The following VAV2 variants were observed in gnomAD, a reference collection of about 807,000 sequenced individuals.
VAV2 encodes the protein vav guanine nucleotide exchange factor 2, also known as guanine nucleotide exchange factor VAV2.
A neutral mutation model predicts 132.5 loss-of-function variants in VAV2; 67 were observed. The observed-to-expected ratio is 0.51, with a 90% confidence interval of 0.42 to 0.62. The LOEUF (loss-of-function observed/expected upper bound fraction) is 0.62, where lower values mean the gene tolerates loss of function less well. Among genes scored for constraint, VAV2 ranks in the 20% least tolerant of loss-of-function variants. The pLI, the probability that VAV2 is intolerant of heterozygous loss-of-function variation, is 0.00. For missense variants in VAV2, 938 were observed against 1,153.6 expected (o/e 0.81, Z 2.71); for synonymous variants, 492 against 443.5 (o/e 1.11, Z -1.37).
At chr9:133,819,047 G>A (rs28679412) in intron 4 of VAV2, among the ~76,000 whole-genome samples, 5,684 of 151,120 alleles carry the variant, frequency 0.038, 350 homozygotes, top group African/African-American at 0.13. Context: ...GCCCAGCCAC[G>A]CCTGTGTTGT....
At chr9:133,958,143 G>C (rs1841848703) in intron 1 of VAV2, among the ~76,000 whole-genome samples, 1 of 140,780 alleles carries the variant, frequency 7.1e-6, no homozygotes, top group Non-Finnish European at 1.6e-5. Context: ...TCTGAAATAT[G>C]GCCTCGTGGG....
chr9:133,908,590 C>G lies in VAV2; in HGVS notation c.321+30513G>C, dbSNP rs890670065. 5.9e-5 allele frequency among the ~76,000 whole-genome samples: 9 copies of G among 152,174 alleles called. No individual in the cohort carries two copies. The East Asian group carries it at 1.6e-3, about 26-fold the overall frequency. ...AGCACCACCTGGTACACAAAGGCAC[C>G]CTGCACCAAGCCCAGAGCTTCCTTG... On this transcript the variant is annotated intron_variant, in intron 2 of 29. Transcript: ENST00000371850.
In VAV2 at chr9:133,840,545, C is replaced by G. The variant is rs535683019; in HGVS notation, c.381-6205G>C. Among the ~76,000 whole-genome samples the G allele has an allele frequency of 2.0e-5, 3 of 152,280 alleles. No individual in the cohort carries two copies. In the South Asian group the frequency reaches 6.2e-4, roughly 32 times the overall value. Reference sequence around the variant, plus strand: ...GTGCTACAGCCAAATAAGTCACCAGCCAGAGGACACAGACCAGAAAACAGA... The same window carrying G: ...GTGCTACAGCCAAATAAGTCACCAGGCAGAGGACACAGACCAGAAAACAGA... On this transcript the variant is annotated intron_variant, in intron 3 of 29. Coordinates refer to ENST00000371850, the MANE Select transcript of VAV2 (RefSeq NM_001134398.2). This position sits in a 1 kb window ranked among gnomAD's most constrained non-coding sequence, Gnocchi z 4.5.
chr9:133,947,699 C>CAAAA (rs75534755), intron 1 of VAV2, among the ~76,000 whole-genome samples: 1 of 134,240 alleles, frequency 7.4e-6, no homozygotes. Flanking sequence ...AACTCCGTCT[C>CAAAA]AAAAAAAAAA....
chr9:133,927,271 T>C (rs1482189688), intron 2 of VAV2, among the ~76,000 whole-genome samples: 1 of 152,124 alleles, frequency 6.6e-6, no homozygotes, highest in Non-Finnish European at 1.5e-5. Context: ...ACAACGCTAA[T>C]CAATGGCTGA....
chr9:133,800,871 G>C (rs7040637), intron 9 of VAV2, among the ~76,000 whole-genome samples: 31,719 of 152,094 alleles, frequency 0.21, 4,213 homozygotes, highest in African/African-American at 0.38. Flanking sequence ...CTACTCGTCT[G>C]TCAAAACTCT....
chr9:133,875,707 C>G (rs1405023220), intron 2 of VAV2, among the ~76,000 whole-genome samples: 1 of 152,226 alleles, frequency 6.6e-6, no homozygotes, highest in Non-Finnish European at 1.5e-5. Context: ...GGCCCCCGCT[C>G]CAGTCCCCTC....
intron 9 of VAV2, among the ~76,000 whole-genome samples, chr9:133,800,748 G>A (rs966200487): frequency 5.3e-5 from 8 of 152,186 alleles, no homozygotes; most frequent in Admixed American, 3.9e-4. Flanking sequence ...TTAGGTGGAC[G>A]AGGGGCTGGA....
At chr9:133,980,124 T>G (rs1298148736) in intron 1 of VAV2, among the ~76,000 whole-genome samples, 1 of 152,146 alleles carries the variant, frequency 6.6e-6, no homozygotes, top group Non-Finnish European at 1.5e-5. Context: ...AGGGCAGAGC[T>G]GGTCAGCCCT....
At chr9:133,791,578 G>A (rs1476753772) in intron 13 of VAV2, among the ~76,000 whole-genome samples, 1 of 143,318 alleles carries the variant, frequency 7.0e-6, no homozygotes, top group Non-Finnish European at 1.5e-5. Context: ...TCAGTGCACA[G>A]GGCACTTGGG....
At position 133,769,610 on chromosome 9, in the gene VAV2, G is replaced by C. The variant is rs1357994721; in HGVS notation, c.2348-107C>G. 5 of 1,198,676 alleles carry C rather than the reference G, an allele frequency of 4.2e-6. No individual in the cohort carries two copies. The African/African-American group carries it at 6.1e-5, about 15-fold the overall frequency. The allele number at this position is 1,198,676 out of a possible 1,614,324, so 74.3% of individuals were successfully genotyped here. The stretch of plus-strand genomic sequence containing the variant: ...GGCATGGGGTGGGGCAGGCCCTTTG[G>C]CAGGAGAGGCCCTACAGGGGGGCAA... On this transcript the variant is annotated intron_variant, in intron 27 of 29. Transcript: ENST00000371850. This position sits in a 1 kb window ranked among gnomAD's most constrained non-coding sequence, Gnocchi z 8.1.
intron 2 of VAV2, among the ~76,000 whole-genome samples, chr9:133,877,667 C>T (rs1838315636): frequency 6.6e-6 from 1 of 152,200 alleles, no homozygotes; most frequent in Admixed American, 6.5e-5. Flanking sequence ...GAACCCCCCT[C>T]TCATGGCCTG....
At chr9:133,927,076 C>A (rs1040790674) in intron 2 of VAV2, among the ~76,000 whole-genome samples, 1 of 150,828 alleles carries the variant, frequency 6.6e-6, no homozygotes, top group African/African-American at 2.4e-5. Flanking sequence ...GAGTCCCCCC[C>A]TACACATGCT....
At chr9:133,770,250 C>T (rs552307726) in intron 27 of VAV2, 128 bp downstream of exon 27, 14 of 1,427,780 alleles carry the variant, frequency 9.8e-6, no homozygotes, top group Middle Eastern at 2.5e-4. Flanking sequence ...GGGGGAGGGG[C>T]GGGGGCTGTG....
intron 23 of VAV2, 23 bp from the exon 24 acceptor site, chr9:133,776,103 T>C: frequency 6.2e-7 from 1 of 1,611,712 alleles, no homozygotes; most frequent in Non-Finnish European, 8.5e-7. Flanking sequence ...CACAAGAGTG[T>C]TAACGGCCCC....
chr9:133,791,773 T>C lies in VAV2; in HGVS notation c.1188+10A>G, dbSNP rs768324625. The C allele has an allele frequency of 6.2e-7, 1 of 1,613,060 alleles. No homozygotes were observed. Among genetic ancestry groups the C allele is most frequent in the Non-Finnish European group, 8.5e-7 (1 of 1,179,038 alleles). ...GACCTTCCCTAGCCTGAAGAGTCAG[T>C]CTCACTCACCAAATTTTCTATAGAA... On this transcript the variant is annotated intron_variant, in intron 13 of 29. Transcript: ENST00000371850.
chr9:133,951,819 T>C (rs1044606245), intron 1 of VAV2, among the ~76,000 whole-genome samples: 34 of 152,112 alleles, frequency 2.2e-4, no homozygotes, highest in African/African-American at 7.7e-4. Flanking sequence ...TCAGGAAGCG[T>C]AGTTATCTGC....
At chr9:133,765,304 C>A (rs1833395627) in intron 29 of VAV2, among the ~76,000 whole-genome samples, 1 of 152,334 alleles carries the variant, frequency 6.6e-6, no homozygotes, top group South Asian at 2.1e-4. Context: ...AGTAACTTCA[C>A]AGTAGAACAT....
chr9:133,971,141 A>G (rs2810543), intron 1 of VAV2, among the ~76,000 whole-genome samples: 137,948 of 152,236 alleles, frequency 0.91, 62,890 homozygotes, highest in East Asian at 1. Context: ...GCTTCCCCCA[A>G]CGAAGTCAGG....
Sources: allele counts gnomAD v4.1 joint callset (sites outside exome capture counted in the v4.1 genomes callset), GRCh38; gene constraint gnomAD v4.1.1; non-coding constraint Gnocchi (gnomAD v3.1); transcripts MANE v1.5; gene names NCBI Gene and HGNC (gene_info 2026-07-23, HGNC 2026-07-21).